SEC14L3: variants seen among roughly 807,000 people sequenced by gnomAD.
SEC14L3 encodes SEC14 like lipid binding 3, also known as SEC14-like protein 3.
Under a neutral mutation model 57.4 loss-of-function variants are expected in SEC14L3, and 56 were observed. That is an observed-to-expected ratio of 0.97 (90% CI 0.79 to 1.22). The LOEUF (loss-of-function observed/expected upper bound fraction) is 1.22, where lower values mean the gene tolerates loss of function less well. SEC14L3 is among the 50% of genes most tolerant of loss of function. The pLI is 0.00. For synonymous variants in SEC14L3, 173 were observed against 194.4 expected, an observed-to-expected ratio of 0.89 and a Z score of 0.92; for missense variants, 485 against 511.7, an observed-to-expected ratio of 0.95 and a Z score of 0.50.
At chr22:30,470,660 C>T (rs938573841) in intron 1 of SEC14L3, 78 bp from the exon 2 acceptor site, 13 of 1,593,792 alleles carry the variant, frequency 8.2e-6, no homozygotes, top group East Asian at 4.5e-5. Flanking sequence ...GTTTTCACAA[C>T]CTCTCCTTTC....
At chr22:30,467,627 C>T (rs1405796725) in intron 5 of SEC14L3, among the ~76,000 whole-genome samples, 1 of 152,140 alleles carries the variant, frequency 6.6e-6, no homozygotes, top group Non-Finnish European at 1.5e-5. Flanking sequence ...TTATTTAACC[C>T]AGGCGGGGGA....
At chr22:30,458,136 C>T (rs986774330), downstream of SEC14L3, among the ~76,000 whole-genome samples, 4 of 152,206 alleles carry the variant, frequency 2.6e-5, no homozygotes, top group African/African-American at 9.7e-5. Flanking sequence ...CATCCCCATT[C>T]CCGGGTGTGA....
At chr22:30,460,828 C>CAAAA (rs747778887) in intron 11 of SEC14L3, among the ~76,000 whole-genome samples, 1 of 104,424 alleles carries the variant, frequency 9.6e-6, no homozygotes, top group Non-Finnish European at 1.9e-5. Flanking sequence ...AACTCTGTCT[C>CAAAA]AAAAAAAAAA....
At chr22:30,466,809 C>T (rs1935431482) in intron 6 of SEC14L3, among the ~76,000 whole-genome samples, 173 bp downstream of exon 6, 1 of 151,952 alleles carries the variant, frequency 6.6e-6, no homozygotes, top group African/African-American at 2.4e-5. Flanking sequence ...TCCCTGAAAC[C>T]CATTCTGTGG....
At chr22:30,453,473 C>T (rs570990754) in intron 12 of SEC14L3, among the ~76,000 whole-genome samples, 48 of 152,222 alleles carry the variant, frequency 3.2e-4, no homozygotes, top group African/African-American at 9.9e-4. Flanking sequence ...GGTGCAATGG[C>T]GCAATCTCAG....
intron 5 of SEC14L3, among the ~76,000 whole-genome samples, chr22:30,467,820 C>T (rs1326470726): frequency 6.6e-6 from 1 of 152,150 alleles, no homozygotes; most frequent in Non-Finnish European, 1.5e-5. Flanking sequence ...ATATATTAGG[C>T]CCTGTGTGCT....
chr22:30,449,040 G>C (rs571753992), exon 13 of SEC14L3: 35 of 1,527,482 alleles, frequency 2.3e-5, no homozygotes, highest in Middle Eastern at 1.7e-4. Flanking sequence ...GACCACGTAG[G>C]GGGTGAGTCC....
Position 30,470,087 on chromosome 22 carries a change from G to C in SEC14L3, c.175-9C>G. 1 of 1,604,538 alleles carries C rather than the reference G, an allele frequency of 6.2e-7. No individual in the cohort carries two copies. The highest frequency in any genetic ancestry group is 1.1e-5 in the South Asian group (1 of 89,868). ...TTCCGGAACTCCATGTACTGAAAGG[G>C]AAATGAGTGGTAAGATCCCACTGGG... On this transcript the variant is annotated splice_polypyrimidine_tract_variant and intron_variant, in intron 3 of 11. Transcript: ENST00000215812.
chr22:30,464,650 C>T (rs1468660440), intron 8 of SEC14L3, among the ~76,000 whole-genome samples, 170 bp downstream of exon 8: 1 of 152,084 alleles, frequency 6.6e-6, no homozygotes, highest in African/African-American at 2.4e-5. Context: ...TGGCTGGTCT[C>T]AACCTCCTGA....
At chr22:30,464,093 G>T (rs2146110198) in intron 8 of SEC14L3, among the ~76,000 whole-genome samples, 1 of 152,164 alleles carries the variant, frequency 6.6e-6, no homozygotes, top group Admixed American at 6.5e-5. Flanking sequence ...ATTTCTCATG[G>T]CGGCTCCAGA....
Position 30,462,594 on chromosome 22 carries a change from G to T in SEC14L3, c.665-402C>A, listed in dbSNP as rs191655931. On this transcript the variant is annotated intron_variant, in intron 8 of 11. Coordinates refer to ENST00000215812, the MANE Select transcript of SEC14L3 (RefSeq NM_174975.5). The stretch of plus-strand genomic sequence containing the variant: ...GCTAATTTTTATTTGGTTTTGTTTG[G>T]TTTTTTTTTGTAGAGATAGGGTTTC... 3.6e-3 allele frequency among the ~76,000 whole-genome samples: 541 copies of T among 150,908 alleles called. 4 individuals carry two copies. Among genetic ancestry groups the T allele is most frequent in the Middle Eastern group, 0.01 (3 of 294 alleles).
rs1355020193 is a variant in SEC14L3, at chr22:30,459,748, C to T, written c.*273G>A. On this transcript the variant is annotated 3_prime_UTR_variant, in exon 12 of 12. Coordinates refer to ENST00000215812, the MANE Select transcript of SEC14L3 (RefSeq NM_174975.5). ...AGGTGAGGACAAAGGCTAGGGGATT[C>T]ATTTTGCTATTTATTGAGTTTCATG... 3 of 1,139,200 alleles carry T rather than the reference C, an allele frequency of 2.6e-6. No homozygotes were observed. 70.6% of individuals were successfully genotyped at this position (1,139,200 alleles called of 1,614,324 possible).
chr22:30,470,364 T>C, intron 2 of SEC14L3, 109 bp from the exon 3 acceptor site: 1 of 1,590,066 alleles, frequency 6.3e-7, no homozygotes, highest in South Asian at 1.1e-5. Context: ...CTTGCTCCCC[T>C]ACCCCCTTCC....
chr22:30,468,988 A>T, intron 4 of SEC14L3: 1 of 1,411,504 alleles, frequency 7.1e-7, no homozygotes, highest in South Asian at 1.6e-5. Flanking sequence ...TTAGTGATGG[A>T]GAACACAGAT....
intron 5 of SEC14L3, among the ~76,000 whole-genome samples, chr22:30,468,292 A>AG (rs1324830333): frequency 8.7e-5 from 9 of 103,344 alleles, no homozygotes; most frequent in East Asian, 3.6e-4. Flanking sequence ...CAAAAAAAAA[A>AG]AGAGGGTTCT....
At chr22:30,450,280 G>T (rs548031813) in intron 12 of SEC14L3, among the ~76,000 whole-genome samples, 3 of 152,064 alleles carry the variant, frequency 2.0e-5, no homozygotes, top group African/African-American at 7.3e-5. Flanking sequence ...GGAGCTGGAC[G>T]CGATCCTTTG....
In SEC14L3 at chr22:30,468,714, C is replaced by G; in HGVS notation, c.235-18G>C. The G allele has an allele frequency of 6.2e-7, 1 of 1,613,808 alleles. No homozygotes were observed. Among genetic ancestry groups the G allele is most frequent in the Non-Finnish European group, 8.5e-7 (1 of 1,179,804 alleles). On this transcript the variant is annotated intron_variant, in intron 4 of 11. Transcript: ENST00000215812. ...TGGATCACCTGGGCATGAAAAGATG[C>G]ACAGAACTTGGCATTACACACCTCC... is the stretch of plus-strand genomic sequence containing the variant.
rs766969241 is a variant in SEC14L3 at position 30,470,586 on chromosome 22, G to T, written c.55-4C>A. ...CATCCTGGACGTTTTCTCGGAACTG[G>T]CAAGAGAGATGCTGGTTAAAGTGGC... On this transcript the variant is annotated splice_region_variant and splice_polypyrimidine_tract_variant and intron_variant, in intron 1 of 11. Coordinates refer to ENST00000215812, the MANE Select transcript of SEC14L3 (RefSeq NM_174975.5). 15 of 1,614,076 alleles carry T rather than the reference G, an allele frequency of 9.3e-6. No individual in the cohort carries two copies. In the South Asian group the frequency reaches 1.4e-4, roughly 15 times the overall value.
chr22:30,456,897 G>T (rs1935128791), downstream of SEC14L3, among the ~76,000 whole-genome samples: 1 of 152,182 alleles, frequency 6.6e-6, no homozygotes, highest in African/African-American at 2.4e-5. Flanking sequence ...TGCCAGGGGT[G>T]GGCATCAGCG....
Sources: gnomAD v4.1 joint callset for allele counts (sites outside exome capture counted in the v4.1 genomes callset) on GRCh38, gnomAD v4.1.1 for gene constraint, MANE v1.5 for transcripts, NCBI Gene and HGNC (gene_info 2026-07-23, HGNC 2026-07-21) for gene names.